DNAJB6: variants seen among roughly 807,000 people sequenced by gnomAD.
DNAJB6 encodes the protein DnaJ heat shock protein family (Hsp40) member B6, also known as dnaJ homolog subfamily B member 6.
DNAJB6 carries 16 observed loss-of-function variants against 42.7 expected under a neutral mutation model. The ratio of observed to expected loss-of-function variants is 0.37; its 90% CI spans 0.25 to 0.57. The LOEUF is 0.57. Ranked by LOEUF, DNAJB6 falls within the 20% of genes least tolerant of loss-of-function variation. The pLI is 0.74. For missense variants in DNAJB6, 347 were observed against 416.8 expected (o/e 0.83, Z 1.46); for synonymous variants, 170 against 163.5 (o/e 1.04, Z -0.30).
intron 3 of DNAJB6, among the ~76,000 whole-genome samples, chr7:157,364,521 C>A (rs1015163555): frequency 6.6e-6 from 1 of 152,080 alleles, no homozygotes; most frequent in Non-Finnish European, 1.5e-5. Context: ...TTGAGGTGAT[C>A]GTCCTCTCTC....
chr7:157,350,999 A>T (rs557915355), intron 1 of DNAJB6, among the ~76,000 whole-genome samples: 1 of 151,442 alleles, frequency 6.6e-6, no homozygotes, highest in Admixed American at 6.6e-5. Flanking sequence ...CGATGGTGCA[A>T]TCGCGGCTCA....
chr7:157,388,321 T>A (rs1238286280), intron 8 of DNAJB6, among the ~76,000 whole-genome samples: 1 of 152,218 alleles, frequency 6.6e-6, no homozygotes, highest in Non-Finnish European at 1.5e-5. Flanking sequence ...CTTTGAAAAG[T>A]TAGGAAATGG....
At chr7:157,338,662 GC>G (rs1275078584) in intron 1 of DNAJB6, among the ~76,000 whole-genome samples, 1 of 152,166 alleles carries the variant, frequency 6.6e-6, no homozygotes, top group Non-Finnish European at 1.5e-5. Context: ...ACTCCTGAGG[GC>G]CTTAAGCTCC....
At chr7:157,409,351 C>T (rs1291446274) in intron 8 of DNAJB6, among the ~76,000 whole-genome samples, 3 of 152,164 alleles carry the variant, frequency 2.0e-5, no homozygotes, top group Non-Finnish European at 4.4e-5. Flanking sequence ...CAGATTTATT[C>T]CAGCACGAGG....
Position 157,366,581 on chromosome 7 carries a change from C to T in DNAJB6, c.235+20C>T, listed in dbSNP as rs776491092. ...GAGGAGGTAAGTACGTGAGTTTTTTCTTTGAAGACAAAAGGTCTTGGCAAG... is the reference window on the plus strand; with the variant it reads ...GAGGAGGTAAGTACGTGAGTTTTTTTTTTGAAGACAAAAGGTCTTGGCAAG... On this transcript the variant is annotated intron_variant, in intron 4 of 9. Transcript: ENST00000262177. 28 of 1,611,112 alleles carry T rather than the reference C, an allele frequency of 1.7e-5. No individual in the cohort carries two copies. The highest frequency in any genetic ancestry group is 8.0e-5 in the African/African-American group (6 of 74,836).
In DNAJB6 at chr7:157,346,316, T is replaced by TAAAAAAAAA. The variant is rs60806134; in HGVS notation, c.-27+9185_-27+9193dup. ...GGTAGCCCTGCTCTGCAAGGAGTAGTAAAAAAAAAAAAAAAAAAAAAGTTA... is the reference window on the plus strand; with the variant it reads ...GGTAGCCCTGCTCTGCAAGGAGTAGTAAAAAAAAAAAAAAAAAAAAAAAAAAAAAAGTTA... On this transcript the variant is annotated intron_variant, in intron 1 of 9. Coordinates refer to ENST00000262177, the MANE Select transcript of DNAJB6 (RefSeq NM_058246.4). 1.4e-3 allele frequency among the ~76,000 whole-genome samples: 166 copies of TAAAAAAAAA among 117,696 alleles called. 2 individuals carry two copies. Among genetic ancestry groups the TAAAAAAAAA allele is most frequent in the African/African-American group, 2.5e-3 (85 of 33,668 alleles). 77.2% of individuals were successfully genotyped at this position (117,696 alleles called of 152,430 possible). A position where few individuals can be genotyped will look rare whatever the true frequency, so the allele number is the denominator to read the frequency against.
intron 8 of DNAJB6, among the ~76,000 whole-genome samples, chr7:157,399,708 G>A (rs1280535597): frequency 1.3e-5 from 2 of 151,854 alleles, no homozygotes; most frequent in African/African-American, 2.4e-5. Context: ...TCGCCCTGTC[G>A]CCCAAGCTGG....
At chr7:157,388,645 G>A (rs975541069) in intron 8 of DNAJB6, among the ~76,000 whole-genome samples, 2 of 150,276 alleles carry the variant, frequency 1.3e-5, no homozygotes, top group African/African-American at 4.9e-5. Context: ...TTTTGGGGGG[G>A]GGGTAAGTGG....
chr7:157,407,727 A>G (rs1371043152), intron 8 of DNAJB6, among the ~76,000 whole-genome samples: 1 of 152,126 alleles, frequency 6.6e-6, no homozygotes, highest in East Asian at 1.9e-4. Context: ...TTGAGTTCGA[A>G]GGTCAGATCT....
chr7:157,380,932 C>T (rs1169089457), intron 5 of DNAJB6: 1 of 152,250 alleles, frequency 6.6e-6, no homozygotes, highest in Non-Finnish European at 1.5e-5. Flanking sequence ...GGCTGCCCAC[C>T]TGTACGTCGG....
At chr7:157,395,862 G>A (rs1801560136) in intron 8 of DNAJB6, among the ~76,000 whole-genome samples, 1 of 151,290 alleles carries the variant, frequency 6.6e-6, no homozygotes, top group Non-Finnish European at 1.5e-5. Context: ...CACTCTGTTG[G>A]CCAGGCTGGT....
At position 157,416,112 on chromosome 7, in the gene DNAJB6, C is replaced by T; in HGVS notation, c.*14C>T. The T allele has an allele frequency of 1.2e-6, 2 of 1,611,008 alleles. No individual in the cohort carries two copies. Among genetic ancestry groups the T allele is most frequent in the African/African-American group, 1.3e-5 (1 of 74,974 alleles). On this transcript the variant is annotated 3_prime_UTR_variant, in exon 10 of 10. Coordinates refer to ENST00000262177, the MANE Select transcript of DNAJB6 (RefSeq NM_058246.4). The stretch of plus-strand genomic sequence containing the variant: ...GGCAATCACTAGACCGGACTTGAGG[C>T]ACGCGGTGCACCCCCAGACGCTGGC...
intron 8 of DNAJB6, among the ~76,000 whole-genome samples, chr7:157,390,567 T>C (rs1016999040): frequency 6.6e-6 from 1 of 152,204 alleles, no homozygotes; most frequent in Non-Finnish European, 1.5e-5. Context: ...GCTTTGGTGC[T>C]GAAACATTGC....
chr7:157,354,463 A>T (rs927051642), intron 1 of DNAJB6, among the ~76,000 whole-genome samples: 1 of 123,250 alleles, frequency 8.1e-6, no homozygotes, highest in Non-Finnish European at 1.9e-5. Context: ...TTTTAGTTTT[A>T]ATTTTTTTTT....
intron 8 of DNAJB6, among the ~76,000 whole-genome samples, chr7:157,396,651 G>A (rs748671017): frequency 2.0e-4 from 30 of 152,298 alleles, no homozygotes; most frequent in Admixed American, 4.6e-4. Flanking sequence ...GCCCTCTGGG[G>A]TACTCTGTGG....
chr7:157,366,651 T>A, intron 4 of DNAJB6, 90 bp downstream of exon 4: 10 of 1,242,226 alleles, frequency 8.1e-6, no homozygotes, highest in Non-Finnish European at 1.1e-5. Flanking sequence ...AGAGTCGATT[T>A]TGTATCAGTA....
intron 2 of DNAJB6, among the ~76,000 whole-genome samples, chr7:157,360,633 C>G (rs938688873): frequency 6.6e-6 from 1 of 152,208 alleles, no homozygotes; most frequent in African/African-American, 2.4e-5. Context: ...ATTTCCTGCA[C>G]TCCTGAGTGT....
In DNAJB6 at chr7:157,360,266, A is replaced by G. The variant is rs138860635; in HGVS notation, c.65+1629A>G. On this transcript the variant is annotated intron_variant, in intron 2 of 9. Coordinates refer to ENST00000262177, the MANE Select transcript of DNAJB6 (RefSeq NM_058246.4). Reference sequence around the variant, plus strand: ...GAATGAGGAAGAAGCAAAAGCGGAAACCCCTTATAAACCCATCAGGTCTTG... The same window carrying G: ...GAATGAGGAAGAAGCAAAAGCGGAAGCCCCTTATAAACCCATCAGGTCTTG... Among the ~76,000 whole-genome samples the G allele has an allele frequency of 3.3e-3, 498 of 152,108 alleles. 3 individuals carry two copies. Among genetic ancestry groups the G allele is most frequent in the African/African-American group, 0.011 (475 of 41,470 alleles).
chr7:157,399,481 C>T (rs1801745299), intron 8 of DNAJB6, among the ~76,000 whole-genome samples: 1 of 152,222 alleles, frequency 6.6e-6, no homozygotes, highest in African/African-American at 2.4e-5. Context: ...TTGCCGTTGA[C>T]CTACAGCTGC....
Sources: allele counts gnomAD v4.1 joint callset (sites outside exome capture counted in the v4.1 genomes callset), GRCh38; gene constraint gnomAD v4.1.1; transcripts MANE v1.5; gene names NCBI Gene and HGNC (gene_info 2026-07-23, HGNC 2026-07-21).